Variants in ZBED1 observed in about 807,000 individuals in gnomAD.
ZBED1 encodes E3 SUMO-protein ligase ZBED1.
ZBED1 carries 19 observed loss-of-function variants against 49.7 expected under a neutral mutation model. That is an observed-to-expected ratio of 0.38 (90% CI 0.27 to 0.56). The LOEUF is 0.56. Ranked by LOEUF, ZBED1 falls within the 20% of genes least tolerant of loss-of-function variation. The pLI, the probability that ZBED1 is intolerant of heterozygous loss-of-function variation, is 0.70. For missense variants in ZBED1, 806 were observed against 972.6 expected, an observed-to-expected ratio of 0.83 and a Z score of 2.28; for synonymous variants, 439 against 440.3, an observed-to-expected ratio of 1.00 and a Z score of 0.04.
At position 2,490,690 on chromosome X, in the gene ZBED1, C is replaced by A. The variant is rs748487175; in HGVS notation, c.30G>T (p.Gln10His). Residue 10 changes from glutamine (Q) to histidine (H), a missense_variant, in exon 2 of 2, where the codon CAG becomes CAT. Physicochemically the swap from Gln to His is conservative, Grantham distance 24. Coordinates refer to ENST00000652001, the MANE Select transcript of ZBED1 (RefSeq NM_001171136.2). MENKSLESSQTDLKLVAHPR... is the reference protein window; with the variant it reads MENKSLESSHTDLKLVAHPR... ...GGTGGGCCACCAGCTTCAGGTCTGT[C>A]TGGGAGCTCTCCAGGCTTTTATTCT... The A allele has an allele frequency of 6.2e-7, 1 of 1,613,866 alleles. No individual in the cohort carries two copies. Among genetic ancestry groups the A allele is most frequent in the South Asian group, 1.1e-5 (1 of 91,056 alleles).
At chrX:2,500,127 G>C (rs1215946830) in intron 1 of ZBED1, among the ~76,000 whole-genome samples, 2 of 152,240 alleles carry the variant, frequency 1.3e-5, no homozygotes, top group Admixed American at 1.3e-4. Context: ...AGTTCAGACA[G>C]TGAACGAGTC....
intron 1 of ZBED1, among the ~76,000 whole-genome samples, chrX:2,493,501 G>A (rs1436993620): frequency 6.6e-6 from 1 of 150,874 alleles, no homozygotes; most frequent in Non-Finnish European, 1.5e-5. Context: ...GGCTGAAAGC[G>A]GTTCTGGAAC....
rs2044985106 is a variant in ZBED1, at chrX:2,487,763, C to A, written c.*872G>T. 1 of 151,876 alleles carries A rather than the reference C, an allele frequency of 6.6e-6. No homozygotes were observed. The highest frequency in any genetic ancestry group is 6.6e-5 in the Admixed American group (1 of 15,234). The allele number at this position is 151,876 out of a possible 1,614,324, so 9.4% of individuals were successfully genotyped here. On this transcript the variant is annotated 3_prime_UTR_variant, in exon 2 of 2. Coordinates refer to ENST00000652001, the MANE Select transcript of ZBED1 (RefSeq NM_001171136.2). The stretch of plus-strand genomic sequence containing the variant: ...CTGTTTGCTTTTTGTTAAGTGTCTG[C>A]ATTTTTGTACTCATCTGTCACATTT...
At chrX:2,493,913 A>C (rs184572460) in intron 1 of ZBED1, among the ~76,000 whole-genome samples, 40 of 152,306 alleles carry the variant, frequency 2.6e-4, no homozygotes, top group African/African-American at 9.4e-4. Context: ...CAGAGGTTGC[A>C]GTGAGCCGAG....
intron 1 of ZBED1, among the ~76,000 whole-genome samples, chrX:2,494,552 A>G (rs898398154): frequency 5.9e-5 from 9 of 151,960 alleles, no homozygotes; most frequent in South Asian, 2.1e-4. Context: ...GGTACCTGGA[A>G]CAAAAGTTTA....
Position 2,488,832 on chromosome X carries a change from T to A in ZBED1, c.1888A>T (p.Ser630Cys). The part of the protein sequence containing the change: ...RLFGSAANVV[S>C]AKRNRLAPAH... ...GGAGCCAGCCGGTTCCTCTTGGCGC[T>A]GACCACGTTGGCGGCGGATCCGAAG... Residue 630 changes from serine (S) to cysteine (C), a missense_variant, in exon 2 of 2, where the codon AGC (serine) becomes TGC (cysteine). Around this residue, in one of 2 missense-constraint regions of ZBED1, gnomAD observed 749 missense variants for 861.3 expected, o/e 0.87. Coordinates refer to ENST00000652001, the MANE Select transcript of ZBED1 (RefSeq NM_001171136.2). 6.2e-7 allele frequency: 1 copy of A among 1,613,830 alleles called. No homozygotes were observed. Among genetic ancestry groups the A allele is most frequent in the Non-Finnish European group, 8.5e-7 (1 of 1,179,842 alleles).
intron 1 of ZBED1, chrX:2,500,493 G>GC (rs2045392127): frequency 6.4e-6 from 1 of 157,270 alleles, no homozygotes; most frequent in Non-Finnish European, 1.4e-5. Context: ...GCGCGGGGGG[G>GC]CGGCTGCACG....
intron 1 of ZBED1, 46 bp from the exon 2 acceptor site, chrX:2,490,818 C>T (rs1009027603): frequency 3.6e-5 from 54 of 1,497,036 alleles, no homozygotes; most frequent in Admixed American, 6.3e-5. Context: ...GACCCAGGCA[C>T]GCACGGGAGC....
chrX:2,489,099 C>T lies in ZBED1; in HGVS notation c.1621G>A (p.Ala541Thr), dbSNP rs1238384379. The change falls in exon 2 of 2, where the codon GCC becomes ACC. Residue 541 changes from alanine (A) to threonine (T), a missense_variant. Transcript: ENST00000652001. ...GCCAGCATGTTGTTGATGACGCTGG[C>T]GGGCGGCGGCGTGGATGTCCGCATG... ...KLMRTSTPPP[A>T]SVINNMLAEI... The T allele has an allele frequency of 5.6e-6, 9 of 1,613,466 alleles. No individual in the cohort carries two copies. The highest frequency in any genetic ancestry group is 2.7e-5 in the African/African-American group (2 of 74,928).
In ZBED1 at chrX:2,489,533, C is replaced by A; in HGVS notation, c.1187G>T (p.Gly396Val). Residue 396 changes from glycine to valine, a missense_variant, in exon 2 of 2, where the codon GGG (glycine) becomes GTG (valine). Physicochemically the swap from Gly to Val is moderately radical, Grantham distance 109. Around this residue, in one of 2 missense-constraint regions of ZBED1, gnomAD observed 749 missense variants for 861.3 expected, o/e 0.87. Transcript: ENST00000652001. ...GAAGGGCTGCAGGAGCTCCACCAGC[C>A]CCTCGATGGTGGCCCACTCGCTGGC... ...LEASEWATIE[G>V]LVELLQPFKQ... 1 of 1,612,818 alleles carries A rather than the reference C, an allele frequency of 6.2e-7. No homozygotes were observed. Among genetic ancestry groups the A allele is most frequent in the Admixed American group, 1.7e-5 (1 of 60,002 alleles).
chrX:2,488,461 C>T lies in ZBED1; in HGVS notation c.*174G>A, dbSNP rs373435372. On this transcript the variant is annotated 3_prime_UTR_variant, in exon 2 of 2. Coordinates refer to ENST00000652001, the MANE Select transcript of ZBED1 (RefSeq NM_001171136.2). ...AAGTGCTGCGATTATAGACAGGAGC[C>T]ACCGCCCCCGACCCTCTCTCACTTC... 3.2e-5 allele frequency: 28 copies of T among 865,698 alleles called. No individual in the cohort carries two copies. The highest frequency in any genetic ancestry group is 2.8e-4 in the African/African-American group (16 of 58,002). 53.6% of individuals were successfully genotyped at this position (865,698 alleles called of 1,614,324 possible). A position where few individuals can be genotyped will look rare whatever the true frequency, so the allele number is the denominator to read the frequency against.
At chrX:2,493,880 G>A (rs990730042) in intron 1 of ZBED1, among the ~76,000 whole-genome samples, 105 of 152,242 alleles carry the variant, frequency 6.9e-4, no homozygotes, top group Middle Eastern at 6.8e-3. Flanking sequence ...GCTGAGGCAC[G>A]AGAATCGTTT....
chrX:2,490,216 G>A lies in ZBED1; in HGVS notation c.504C>T (p.Ile168=), dbSNP rs142336392. The change falls in exon 2 of 2, where the codon ATC becomes ATT. Residue 168 remains isoleucine, a synonymous_variant. Coordinates refer to ENST00000652001, the MANE Select transcript of ZBED1 (RefSeq NM_001171136.2). ...PRYELPSRKY[I]STKAIPEKYG... is the part of the protein sequence containing the mutation. ...ACTTCTCAGGGATGGCCTTGGTAGAGATGTACTTCCGGCTGGGCAGCTCAT... is the reference window on the plus strand; with the variant it reads ...ACTTCTCAGGGATGGCCTTGGTAGAAATGTACTTCCGGCTGGGCAGCTCAT... The A allele has an allele frequency of 1.1e-4, 175 of 1,613,980 alleles. 1 individual carries two copies. The African/African-American group carries it at 2.0e-3, about 18-fold the overall frequency.
At chrX:2,491,231 G>A (rs1375856142) in intron 1 of ZBED1, among the ~76,000 whole-genome samples, 1 of 152,048 alleles carries the variant, frequency 6.6e-6, no homozygotes, top group Non-Finnish European at 1.5e-5. Flanking sequence ...CATCACGCCT[G>A]GCTAATTTTT....
At chrX:2,500,654 G>GGCCCCCCCCCCCCCCCCCC in intron 1 of ZBED1, 163 bp downstream of exon 1, 1 of 126,746 alleles carries the variant, frequency 7.9e-6, no homozygotes, top group Non-Finnish European at 1.7e-5. Flanking sequence ...CGCGCACGCC[G>GGCCCCCCCCCCCCCCCCCC]CCCCCCCCCC....
At position 2,489,322 on chromosome X, in the gene ZBED1, G is replaced by C. The variant is rs1377460671; in HGVS notation, c.1398C>G (p.Asp466Glu). The change falls in exon 2 of 2, where the codon GAC becomes GAG. Residue 466 changes from aspartate to glutamate, a missense_variant. Asp to Glu is a conservative substitution (Grantham distance 45). This residue lies in a region of ZBED1 where 749 missense variants were observed against 861.3 expected (regional missense o/e 0.87). Transcript: ENST00000652001. ...SKTYQETPEI[D>E]MFLNVATFLD... ...GGAAGGTGGCCACGTTGAGAAACAT[G>C]TCGATCTCGGGCGTCTCCTGGTAGG... is the stretch of plus-strand genomic sequence containing the variant. 21 of 1,613,954 alleles carry C rather than the reference G, an allele frequency of 1.3e-5. No homozygotes were observed. Among genetic ancestry groups the C allele is most frequent in the Non-Finnish European group, 1.7e-5 (20 of 1,179,858 alleles).
At chrX:2,495,575 C>T (rs1278556685) in intron 1 of ZBED1, among the ~76,000 whole-genome samples, 2 of 151,430 alleles carry the variant, frequency 1.3e-5, no homozygotes, top group African/African-American at 2.4e-5. Flanking sequence ...GGTAAAGAAC[C>T]GTCCACACAG....
In ZBED1 at chrX:2,488,537, T is replaced by G; in HGVS notation, c.*98A>C. The G allele has an allele frequency of 7.0e-6, 10 of 1,419,818 alleles. No homozygotes were observed. 88.0% of individuals were successfully genotyped at this position (1,419,818 alleles called of 1,614,324 possible). On this transcript the variant is annotated 3_prime_UTR_variant, in exon 2 of 2. Coordinates refer to ENST00000652001, the MANE Select transcript of ZBED1 (RefSeq NM_001171136.2). ...TCTAGGTGTCAAAGACAGTGGATGG[T>G]CTCTGAGGTTCAAAACCAAGCTGAC...
intron 1 of ZBED1, among the ~76,000 whole-genome samples, chrX:2,493,625 C>T (rs1020710051): frequency 1.7e-4 from 25 of 151,252 alleles, no homozygotes; most frequent in East Asian, 1.4e-3. Flanking sequence ...ATTATTGTTA[C>T]GGTTGTTATT....
Sources: allele counts gnomAD v4.1 joint callset (sites outside exome capture counted in the v4.1 genomes callset), GRCh38; gene constraint gnomAD v4.1.1; regional missense constraint gnomAD v4.1.1; transcripts MANE v1.5; gene names NCBI Gene and HGNC (gene_info 2026-07-23, HGNC 2026-07-21).